Variants in NRG3 observed in about 807,000 individuals in gnomAD.
NRG3 encodes the protein neuregulin 3.
A neutral mutation model predicts 66.9 loss-of-function variants in NRG3; 31 were observed. The observed-to-expected ratio is 0.46, with a 90% CI of 0.35 to 0.63. NRG3 has a LOEUF of 0.63. Ranked by LOEUF, NRG3 falls within the 20% of genes least tolerant of loss-of-function variation. The pLI is 0.00. For missense variants in NRG3, 910 were observed against 878.9 expected, an observed-to-expected ratio of 1.04 and a Z score of -0.45; for synonymous variants, 393 against 359.4, an observed-to-expected ratio of 1.09 and a Z score of -1.06.
At chr10:82,955,115 C>T (rs189506632) in intron 5 of NRG3, 2 of 151,894 alleles carry the variant, frequency 1.3e-5, no homozygotes, top group East Asian at 3.9e-4. Context: ...TTCTACTTCC[C>T]ATAATCACTT....
At chr10:81,908,687 G>A (rs547668125) in intron 1 of NRG3, among the ~76,000 whole-genome samples, 3 of 152,186 alleles carry the variant, frequency 2.0e-5, no homozygotes, top group East Asian at 1.9e-4. Context: ...CCTCAGTCTC[G>A]AAATAGAAGT....
At chr10:82,191,998 T>A (rs566244045) in intron 1 of NRG3, among the ~76,000 whole-genome samples, 3 of 152,178 alleles carry the variant, frequency 2.0e-5, no homozygotes, top group Non-Finnish European at 4.4e-5. Flanking sequence ...TTTGCATTTA[T>A]CTGCTCCCAT....
At chr10:82,334,901 C>A (rs1179216212) in intron 1 of NRG3, among the ~76,000 whole-genome samples, 1 of 152,152 alleles carries the variant, frequency 6.6e-6, no homozygotes, top group African/African-American at 2.4e-5. Flanking sequence ...AAAATAATGT[C>A]ACAGCTCTCA....
chr10:81,889,032 T>G (rs1304148170), intron 1 of NRG3, among the ~76,000 whole-genome samples: 3 of 152,166 alleles, frequency 2.0e-5, no homozygotes, highest in Non-Finnish European at 4.4e-5. Context: ...TTTAAGGATG[T>G]TTAGTTTATC....
intron 4 of NRG3, among the ~76,000 whole-genome samples, chr10:82,899,218 G>A (rs1461548285): frequency 6.6e-6 from 1 of 152,034 alleles, no homozygotes; most frequent in East Asian, 1.9e-4. Flanking sequence ...TTATTTTCTG[G>A]CTGGGATCTC....
At chr10:82,594,573 T>A (rs187228633) in intron 2 of NRG3, among the ~76,000 whole-genome samples, 1 of 152,356 alleles carries the variant, frequency 6.6e-6, no homozygotes, top group Admixed American at 6.5e-5. Context: ...CTACTGGTGC[T>A]TATAGATACT....
At chr10:82,041,810 A>ATCTCTCTCTC (rs71007288) in intron 1 of NRG3, among the ~76,000 whole-genome samples, 123 of 94,070 alleles carry the variant, frequency 1.3e-3, no homozygotes, top group Non-Finnish European at 3.0e-3. Context: ...TGGTCTACTG[A>ATCTCTCTCTC]TCTCTCTCTC....
chr10:82,347,694 G>C (rs1248905291), intron 1 of NRG3, among the ~76,000 whole-genome samples: 1 of 152,118 alleles, frequency 6.6e-6, no homozygotes, highest in East Asian at 1.9e-4. Flanking sequence ...ATTATTGTGT[G>C]GGAGTCTAAG....
chr10:82,256,584 C>T (rs536741936), intron 1 of NRG3, among the ~76,000 whole-genome samples: 25 of 152,310 alleles, frequency 1.6e-4, no homozygotes, highest in African/African-American at 4.8e-4. Flanking sequence ...CTCTATCCTG[C>T]TGCTCTACCT....
rs1201452336 is a variant in NRG3 at position 82,986,018 on chromosome 10, G to A, written c.*413G>A. On this transcript the variant is annotated 3_prime_UTR_variant, in exon 9 of 9. Coordinates refer to ENST00000372141, the MANE Select transcript of NRG3 (RefSeq NM_001010848.4). ...GCAGGTGGCTCTTGCCATTTGGCTT[G>A]CCAGTCCCAAGCCCTAAATTTCTAT... 6.0e-6 allele frequency: 1 copy of A among 166,696 alleles called. No individual in the cohort carries two copies. The highest frequency in any genetic ancestry group is 1.3e-5 in the Non-Finnish European group (1 of 76,958). 10.3% of individuals were successfully genotyped at this position (166,696 alleles called of 1,614,324 possible).
At chr10:82,552,470 G>A (rs992102429) in intron 2 of NRG3, among the ~76,000 whole-genome samples, 34 of 152,238 alleles carry the variant, frequency 2.2e-4, no homozygotes, top group African/African-American at 7.7e-4. Context: ...AAAAAATGCT[G>A]ACTAATGTGT....
At chr10:82,271,676 T>C (rs991140831) in intron 1 of NRG3, among the ~76,000 whole-genome samples, 2 of 152,092 alleles carry the variant, frequency 1.3e-5, no homozygotes, top group Non-Finnish European at 2.9e-5. Flanking sequence ...CTGCACCAAC[T>C]AGCATGAGTT....
chr10:82,932,091 T>C (rs1322937119), intron 4 of NRG3, among the ~76,000 whole-genome samples: 1 of 152,162 alleles, frequency 6.6e-6, no homozygotes, highest in Non-Finnish European at 1.5e-5. Context: ...CCAAATCTTC[T>C]GCAGCAGCAC....
chr10:82,790,632 T>C (rs2060548443), intron 3 of NRG3, among the ~76,000 whole-genome samples: 1 of 152,126 alleles, frequency 6.6e-6, no homozygotes, highest in South Asian at 2.1e-4. Context: ...ATTTGGGGAA[T>C]TTTCAGCCAT....
chr10:82,104,839 C>T (rs566287077), intron 1 of NRG3, among the ~76,000 whole-genome samples: 1 of 152,138 alleles, frequency 6.6e-6, no homozygotes, highest in South Asian at 2.1e-4. Flanking sequence ...ACTACACACA[C>T]AGATGTTAGA....
At chr10:81,982,668 C>T (rs2060373918) in intron 1 of NRG3, among the ~76,000 whole-genome samples, 1 of 152,166 alleles carries the variant, frequency 6.6e-6, no homozygotes, top group South Asian at 2.1e-4. Flanking sequence ...CTTTCCTTTG[C>T]ACCTGAGCAT....
At chr10:82,154,451 A>G (rs569842343) in intron 1 of NRG3, among the ~76,000 whole-genome samples, 12 of 152,046 alleles carry the variant, frequency 7.9e-5, no homozygotes, top group African/African-American at 2.4e-4. Flanking sequence ...TTATGCCAGT[A>G]CCATGATGTG....
intron 2 of NRG3, among the ~76,000 whole-genome samples, chr10:82,571,892 A>T (rs1000667858): frequency 6.6e-5 from 10 of 151,686 alleles, no homozygotes; most frequent in South Asian, 2.1e-4. Flanking sequence ...AAGATACATT[A>T]AAAAAATGTA....
chr10:82,857,266 C>T (rs1218640055), intron 3 of NRG3, among the ~76,000 whole-genome samples: 1 of 152,138 alleles, frequency 6.6e-6, no homozygotes, highest in Non-Finnish European at 1.5e-5. Flanking sequence ...AATCAACATT[C>T]TTGTTTAGAG....
Sources: gnomAD v4.1 joint callset for allele counts (sites outside exome capture counted in the v4.1 genomes callset) on GRCh38, gnomAD v4.1.1 for gene constraint, MANE v1.5 for transcripts, NCBI Gene and HGNC (gene_info 2026-07-23, HGNC 2026-07-21) for gene names.